The following ANKRD6 variants were observed in gnomAD, a reference collection of about 807,000 sequenced individuals.
ANKRD6 encodes ankyrin repeat domain-containing protein 6.
Under a neutral mutation model 82.3 loss-of-function variants are expected in ANKRD6, and 56 were observed. The ratio of observed to expected loss-of-function variants is 0.68; its 90% CI spans 0.55 to 0.85. The LOEUF (loss-of-function observed/expected upper bound fraction) is 0.85, where lower values mean the gene tolerates loss of function less well. ANKRD6 is among the 40% of genes least tolerant of loss of function. ANKRD6 has a pLI of 0.00. For synonymous variants in ANKRD6, 347 were observed against 352.1 expected (o/e 0.99, Z 0.16); for missense variants, 852 against 907.6 (o/e 0.94, Z 0.79).
chr6:89,615,412 G>A (rs1407225569), intron 7 of ANKRD6, among the ~76,000 whole-genome samples: 1 of 152,152 alleles, frequency 6.6e-6, no homozygotes, highest in African/African-American at 2.4e-5. Flanking sequence ...AGATCATCAG[G>A]TGACCCCTGC....
intron 1 of ANKRD6, among the ~76,000 whole-genome samples, chr6:89,527,047 GT>G (rs1306042497): frequency 6.6e-6 from 1 of 152,180 alleles, no homozygotes; most frequent in Non-Finnish European, 1.5e-5. Context: ...CATACATAAT[GT>G]TTAACCAGAT....
chr6:89,496,833 A>T (rs1778684078), intron 1 of ANKRD6, among the ~76,000 whole-genome samples: 1 of 152,238 alleles, frequency 6.6e-6, no homozygotes, highest in African/African-American at 2.4e-5. Flanking sequence ...ATTATGTTTC[A>T]GAATTTGGAA....
chr6:89,439,399 A>G (rs941380404), intron 1 of ANKRD6, among the ~76,000 whole-genome samples: 5 of 152,188 alleles, frequency 3.3e-5, no homozygotes, highest in Admixed American at 6.5e-5. Context: ...ATATGTGTCA[A>G]TTTTACTTAT....
rs1806142691 is a variant in ANKRD6, at chr6:89,627,574, C to T, written c.1372-9C>T. 2 of 1,613,020 alleles carry T rather than the reference C, an allele frequency of 1.2e-6. No homozygotes were observed. Among genetic ancestry groups the T allele is most frequent in the African/African-American group, 1.3e-5 (1 of 74,912 alleles). On this transcript the variant is annotated splice_polypyrimidine_tract_variant and intron_variant, in intron 13 of 15. Transcript: ENST00000339746. ...CTCAGTCTTACACTCTGCTCCACTT[C>T]ACTCCTAGATGCGTGTTTTGGACAA...
chr6:89,538,410 G>A (rs751405758), intron 1 of ANKRD6, among the ~76,000 whole-genome samples: 18 of 152,242 alleles, frequency 1.2e-4, no homozygotes, highest in Admixed American at 2.0e-4. Flanking sequence ...CATCATCATC[G>A]GCAAACATGG....
intron 1 of ANKRD6, among the ~76,000 whole-genome samples, chr6:89,436,338 T>C (rs528848929): frequency 6.6e-6 from 1 of 152,322 alleles, no homozygotes; most frequent in African/African-American, 2.4e-5. Context: ...TTTGCAAAGA[T>C]GTATTGTCTT....
intron 10 of ANKRD6, 37 bp downstream of exon 10, chr6:89,622,063 C>CTCTGAGCATGGGTGG: frequency 6.3e-7 from 1 of 1,590,428 alleles, no homozygotes; most frequent in Non-Finnish European, 8.6e-7. Context: ...CACATCCACC[C>CTCTGAGCATGGGTGG]ATGCTCAGAG....
At chr6:89,500,681 G>A (rs1352409294) in intron 1 of ANKRD6, among the ~76,000 whole-genome samples, 1 of 152,130 alleles carries the variant, frequency 6.6e-6, no homozygotes, top group Non-Finnish European at 1.5e-5. Flanking sequence ...GAGATTAAAG[G>A]GGCTGTGGGA....
intron 1 of ANKRD6, among the ~76,000 whole-genome samples, chr6:89,456,706 C>T (rs1328682921): frequency 6.6e-6 from 1 of 152,166 alleles, no homozygotes; most frequent in Non-Finnish European, 1.5e-5. Context: ...AATAGCTAGG[C>T]TGTTTACCAC....
At chr6:89,465,636 G>A (rs1490726988) in intron 1 of ANKRD6, among the ~76,000 whole-genome samples, 6 of 151,950 alleles carry the variant, frequency 3.9e-5, no homozygotes, top group Admixed American at 2.0e-4. Context: ...CAAGGTGGGA[G>A]GATTGCTTGA....
At chr6:89,587,217 G>A (rs996216747) in intron 2 of ANKRD6, among the ~76,000 whole-genome samples, 2 of 150,528 alleles carry the variant, frequency 1.3e-5, no homozygotes, top group Non-Finnish European at 3.0e-5. Flanking sequence ...AAGGCTGGGT[G>A]CAGTGCCTCA....
At chr6:89,493,815 C>CG (rs1029053568) in intron 1 of ANKRD6, among the ~76,000 whole-genome samples, 2 of 152,020 alleles carry the variant, frequency 1.3e-5, no homozygotes, top group African/African-American at 4.8e-5. Flanking sequence ...AACCACATTT[C>CG]GGGGGGTTAT....
At position 89,606,108 on chromosome 6, in the gene ANKRD6, G is replaced by A. The variant is rs549130731; in HGVS notation, c.417+3G>A. The A allele has an allele frequency of 1.9e-6, 3 of 1,558,272 alleles. No homozygotes were observed. The African/African-American group carries it at 4.1e-5, about 21-fold the overall frequency. Reference sequence around the variant, plus strand: ...CCAACGTGCTTGCCAAGAACAAGGTGAGGCCTGGCAGATGCTAGAATGCCT... The same window carrying A: ...CCAACGTGCTTGCCAAGAACAAGGTAAGGCCTGGCAGATGCTAGAATGCCT... On this transcript the variant is annotated splice_donor_region_variant and intron_variant, in intron 5 of 15. Coordinates refer to ENST00000339746, the MANE Select transcript of ANKRD6 (RefSeq NM_001242809.2).
chr6:89,487,366 A>T (rs142358832), intron 1 of ANKRD6, among the ~76,000 whole-genome samples: 2 of 152,240 alleles, frequency 1.3e-5, no homozygotes, highest in Non-Finnish European at 2.9e-5. Flanking sequence ...TCTTTCTGAC[A>T]TGCAGAGTAT....
chr6:89,495,062 A>G lies in ANKRD6; in HGVS notation c.-144+61687A>G, dbSNP rs531169671. Among the ~76,000 whole-genome samples, 70 of 151,832 alleles carry G rather than the reference A, an allele frequency of 4.6e-4. 1 individual carries two copies. The South Asian group carries it at 8.9e-3, about 19-fold the overall frequency. ...ATCCTGGCTAACACAGTGAAACCCC[A>G]CCTCTACTAAAAATACAAAAAATTA... On this transcript the variant is annotated intron_variant, in intron 1 of 15. Coordinates refer to ENST00000339746, the MANE Select transcript of ANKRD6 (RefSeq NM_001242809.2).
intron 1 of ANKRD6, 115 bp from the exon 2 acceptor site, chr6:89,566,719 C>T: frequency 5.0e-6 from 2 of 403,364 alleles, no homozygotes; most frequent in Non-Finnish European, 9.2e-6. Context: ...CCTCCCACAG[C>T]TACCCTCCCC....
chr6:89,602,960 CAAGT>C, intron 3 of ANKRD6, 65 bp from the exon 4 acceptor site: 1 of 1,315,274 alleles, frequency 7.6e-7, no homozygotes, highest in Non-Finnish European at 1.1e-6. Context: ...GTCCAAGTGT[CAAGT>C]GAGTAGTGCA....
intron 1 of ANKRD6, among the ~76,000 whole-genome samples, chr6:89,477,169 C>T (rs937653420): frequency 6.6e-6 from 1 of 152,118 alleles, no homozygotes; most frequent in Non-Finnish European, 1.5e-5. Flanking sequence ...TGGTCTCGAT[C>T]TCCTGACCTC....
intron 1 of ANKRD6, among the ~76,000 whole-genome samples, chr6:89,463,436 G>T (rs1290222845): frequency 6.6e-6 from 1 of 152,048 alleles, no homozygotes; most frequent in Non-Finnish European, 1.5e-5. Flanking sequence ...AATTCCTAAA[G>T]ATGAATTACC....
Sources: allele counts gnomAD v4.1 joint callset (sites outside exome capture counted in the v4.1 genomes callset), GRCh38; gene constraint gnomAD v4.1.1; transcripts MANE v1.5; gene names NCBI Gene and HGNC (gene_info 2026-07-23, HGNC 2026-07-21).